The following ZNF69 variants were observed in gnomAD, a reference collection of about 807,000 sequenced individuals.
ZNF69 encodes the protein ZNF3.
Under a neutral mutation model 50.9 loss-of-function variants are expected in ZNF69, and 47 were observed. The observed-to-expected ratio is 0.92, with a 90% CI of 0.73 to 1.18. ZNF69 has a LOEUF of 1.18. Ranked by LOEUF, ZNF69 falls within the 50% of genes most tolerant of loss-of-function variation. The probability of loss-of-function intolerance (pLI) is 0.00; values close to 1 mark genes in which losing one functional copy is unlikely to be tolerated. For missense variants in ZNF69, 717 were observed against 675.1 expected (o/e 1.06, Z -0.69); for synonymous variants, 216 against 223.1 (o/e 0.97, Z 0.29).
the ZNF69 span, among the ~76,000 whole-genome samples, chr19:11,927,808 G>A: frequency 3.9e-5 from 6 of 152,140 alleles, no homozygotes; most frequent in African/African-American, 1.4e-4. Flanking sequence ...TTTTCTTCAT[G>A]GGAAACATTT....
At chr19:11,899,863 G>T (rs1490206845) in intron 1 of ZNF69, among the ~76,000 whole-genome samples, 1 of 152,176 alleles carries the variant, frequency 6.6e-6, no homozygotes, top group Non-Finnish European at 1.5e-5. Flanking sequence ...CCCTAGTGAA[G>T]GAGAGTTCAC....
At chr19:11,942,642 A>T in the ZNF69 span, among the ~76,000 whole-genome samples, 1 of 152,238 alleles carries the variant, frequency 6.6e-6, no homozygotes, top group Non-Finnish European at 1.5e-5. Context: ...GATCAATTAA[A>T]CAAGGATGGA....
chr19:11,929,438 C>T, the ZNF69 span, among the ~76,000 whole-genome samples: 4 of 148,462 alleles, frequency 2.7e-5, no homozygotes, highest in South Asian at 2.1e-4. Flanking sequence ...GGTGGGATTA[C>T]GGGTGTGAAC....
chr19:11,911,520 G>A (rs1023528679), downstream of ZNF69, among the ~76,000 whole-genome samples: 1 of 152,154 alleles, frequency 6.6e-6, no homozygotes, highest in East Asian at 1.9e-4. Flanking sequence ...CATGTCCTTT[G>A]TAGGGACATG....
chr19:11,891,362 G>C (rs279188), intron 1 of ZNF69, among the ~76,000 whole-genome samples: 54,698 of 146,646 alleles, frequency 0.37, 12,191 homozygotes, highest in African/African-American at 0.62. Context: ...TGCAGTGAGA[G>C]CCTGTCTGTA....
chr19:11,931,030 G>A, the ZNF69 span, among the ~76,000 whole-genome samples: 4 of 146,386 alleles, frequency 2.7e-5, 1 homozygote, highest in Non-Finnish European at 5.9e-5. Flanking sequence ...AGATGCCCTC[G>A]TTTCACAATT....
the ZNF69 span, among the ~76,000 whole-genome samples, chr19:11,931,526 A>T: frequency 6.7e-6 from 1 of 148,334 alleles, no homozygotes; most frequent in East Asian, 1.9e-4. Context: ...ACACCTCCCA[A>T]CAATATTCTA....
intron 1 of ZNF69, among the ~76,000 whole-genome samples, chr19:11,888,969 CAAAACA>C (rs1017864588): frequency 2.0e-5 from 3 of 151,862 alleles, no homozygotes; most frequent in African/African-American, 7.3e-5. Flanking sequence ...GACTCTGTCT[CAAAACA>C]AAAACAAAAA....
At chr19:11,911,465 C>T (rs1335948645), downstream of ZNF69, among the ~76,000 whole-genome samples, 1 of 152,166 alleles carries the variant, frequency 6.6e-6, no homozygotes, top group Non-Finnish European at 1.5e-5. Flanking sequence ...AAACGTGGCA[C>T]ATATACACCA....
In ZNF69 at chr19:11,905,235, C is replaced by A; in HGVS notation, c.838C>A (p.Gln280Lys). ...TGGAGAAAAGCCTTATGAATGTCAG[C>A]AATGTGGGAAAGCATTTCATAGTCC... ...HTGEKPYECQ[Q>K]CGKAFHSPRC... Residue 280 changes from glutamine to lysine, a missense_variant, in exon 4 of 4, where the codon CAA becomes AAA. Coordinates refer to ENST00000429654, the MANE Select transcript of ZNF69 (RefSeq NM_001364730.1). 1 of 1,614,036 alleles carries A rather than the reference C, an allele frequency of 6.2e-7. No individual in the cohort carries two copies. Among genetic ancestry groups the A allele is most frequent in the Non-Finnish European group, 8.5e-7 (1 of 1,180,002 alleles).
intron 1 of ZNF69, among the ~76,000 whole-genome samples, chr19:11,902,324 A>G (rs985050717): frequency 3.9e-5 from 6 of 152,034 alleles, no homozygotes; most frequent in African/African-American, 1.4e-4. Context: ...CATTTTATAT[A>G]TATGCTTACC....
Position 11,898,515 on chromosome 19 carries a change from G to A in ZNF69, c.64-5058G>A, listed in dbSNP as rs141645070. On this transcript the variant is annotated intron_variant, in intron 1 of 3. Coordinates refer to ENST00000429654, the MANE Select transcript of ZNF69 (RefSeq NM_001364730.1). Reference sequence around the variant, plus strand: ...TAGCAATTCTTCTGCCTCAGCCTCCGGAGTAGCTGGGAATACAGGCACACA... The same window carrying A: ...TAGCAATTCTTCTGCCTCAGCCTCCAGAGTAGCTGGGAATACAGGCACACA... 7.1e-3 allele frequency among the ~76,000 whole-genome samples: 1,077 copies of A among 150,790 alleles called. 10 individuals are homozygous for A. Among genetic ancestry groups the A allele is most frequent in the Non-Finnish European group, 0.011 (779 of 67,774 alleles).
chr19:11,903,605 C>A lies in ZNF69; in HGVS notation c.96C>A (p.Asn32Lys). 1 of 1,614,130 alleles carries A rather than the reference C, an allele frequency of 6.2e-7. No individual in the cohort carries two copies. The highest frequency in any genetic ancestry group is 8.5e-7 in the Non-Finnish European group (1 of 1,180,016). ...DPVAFDDVAV[N>K]FTQEEWALLD... ...TGGCCTTTGATGATGTTGCTGTGAACTTCACCCAGGAGGAGTGGGCTTTGC... is the reference window on the plus strand; with the variant it reads ...TGGCCTTTGATGATGTTGCTGTGAAATTCACCCAGGAGGAGTGGGCTTTGC... The change falls in exon 2 of 4, where the codon AAC becomes AAA. Residue 32 changes from asparagine to lysine, a missense_variant. By Grantham distance (94) the Asn-to-Lys change is moderately conservative. Transcript: ENST00000429654.
chr19:11,977,375 A>T, the ZNF69 span: 1 of 1,613,850 alleles, frequency 6.2e-7, no homozygotes, highest in Non-Finnish European at 8.5e-7. Context: ...TTTTAGGGAA[A>T]AAGTGGAAAG....
chr19:11,933,083 T>G, the ZNF69 span, among the ~76,000 whole-genome samples: 1 of 148,136 alleles, frequency 6.8e-6, no homozygotes, highest in Non-Finnish European at 1.5e-5. Flanking sequence ...AATCCAGAGT[T>G]CCCTCATTTT....
Position 11,906,059 on chromosome 19 carries a change from G to A in ZNF69, c.1662G>A (p.Arg554=). 6.2e-7 allele frequency: 1 copy of A among 1,613,154 alleles called. No homozygotes were observed. The highest frequency in any genetic ancestry group is 8.5e-7 in the Non-Finnish European group (1 of 1,179,660). The stretch of plus-strand genomic sequence containing the variant: ...CCTCAGTCCTTCGAATGCATGGTAG[G>A]ACTCACCCTGAAGATAAACCCTATG... ...RAASVLRMHG[R]THPEDKPYEC... is the part of the protein sequence containing the mutation. Residue 554 remains arginine (R), a synonymous_variant, in exon 4 of 4, where the codon AGG becomes AGA. Coordinates refer to ENST00000429654, the MANE Select transcript of ZNF69 (RefSeq NM_001364730.1).
At chr19:11,921,023 T>A in the ZNF69 span, among the ~76,000 whole-genome samples, 1 of 152,172 alleles carries the variant, frequency 6.6e-6, no homozygotes, top group South Asian at 2.1e-4. Context: ...ACTAACATGT[T>A]AATATGTCCA....
At position 11,904,710 on chromosome 19, in the gene ZNF69, A is replaced by G. The variant is rs1165328531; in HGVS notation, c.313A>G (p.Thr105Ala). ...KDDSHCGETF[T>A]QVPDDRLNFQ... ...TGACAGTCATTGTGGAGAAACTTTT[A>G]CCCAGGTTCCAGATGACAGGCTGAA... Residue 105 changes from threonine to alanine, a missense_variant, in exon 4 of 4, where the codon ACC (threonine) becomes GCC (alanine). Coordinates refer to ENST00000429654, the MANE Select transcript of ZNF69 (RefSeq NM_001364730.1). 6 of 1,613,962 alleles carry G rather than the reference A, an allele frequency of 3.7e-6. No individual in the cohort carries two copies. The Admixed American group carries it at 1.0e-4, about 27-fold the overall frequency.
chr19:11,921,734 C>T, the ZNF69 span, among the ~76,000 whole-genome samples: 2 of 152,052 alleles, frequency 1.3e-5, no homozygotes, highest in Non-Finnish European at 2.9e-5. Context: ...AACTCCTGAC[C>T]TCAGGTGATC....
Sources: gnomAD v4.1 joint callset for allele counts (sites outside exome capture counted in the v4.1 genomes callset) on GRCh38, gnomAD v4.1.1 for gene constraint, MANE v1.5 for transcripts, NCBI Gene and HGNC (gene_info 2026-07-23, HGNC 2026-07-21) for gene names.